HNRNPC: variants seen among roughly 807,000 people sequenced by gnomAD.
The protein encoded by HNRNPC is heterogeneous nuclear ribonucleoprotein C, also known as heterogeneous nuclear ribonucleoproteins C1/C2.
In HNRNPC, 3 loss-of-function variants were observed where a neutral mutation model predicts 33.2. The observed-to-expected ratio is 0.09, with a 90% CI of 0.04 to 0.23. HNRNPC has a LOEUF of 0.23. Ranked by LOEUF, HNRNPC falls within the 10% of genes least tolerant of loss-of-function variation. The pLI is 1.00. For missense variants in HNRNPC, 143 were observed against 366.7 expected (o/e 0.39, Z 4.98); for synonymous variants, 121 against 126.7 (o/e 0.96, Z 0.30).
chr14:21,211,719 G>A, intron 7 of HNRNPC, 91 bp downstream of exon 7: 1 of 1,420,598 alleles, frequency 7.0e-7, no homozygotes, highest in East Asian at 2.3e-5. Context: ...ATATTACATT[G>A]CTTTATATTC....
intron 4 of HNRNPC, 103 bp downstream of exon 4, chr14:21,230,894 A>G (rs547285396): frequency 2.2e-6 from 3 of 1,349,438 alleles, no homozygotes; most frequent in Admixed American, 3.7e-5. Flanking sequence ...CCACACCCAG[A>G]AAACAGAAAG....
chr14:21,261,945 A>G (rs1201169900), intron 2 of HNRNPC, among the ~76,000 whole-genome samples: 3 of 152,194 alleles, frequency 2.0e-5, no homozygotes, highest in Non-Finnish European at 4.4e-5. Flanking sequence ...AGAACACATT[A>G]GAGTTCCTAA....
chr14:21,241,666 G>A lies in HNRNPC; in HGVS notation c.-36-7437C>T, dbSNP rs372996931. On this transcript the variant is annotated intron_variant, in intron 2 of 8. Transcript: ENST00000553300. Reference sequence around the variant, plus strand: ...ACCATTTTTGTACCCTGCTTCCTATGGATCTTATTGCTTTCAACTACTTCC... The same window carrying A: ...ACCATTTTTGTACCCTGCTTCCTATAGATCTTATTGCTTTCAACTACTTCC... 7.2e-5 allele frequency among the ~76,000 whole-genome samples: 11 copies of A among 152,210 alleles called. No individual in the cohort carries two copies. In the South Asian group the frequency reaches 2.3e-3, roughly 32 times the overall value.
chr14:21,250,202 G>A (rs540492922), intron 2 of HNRNPC, among the ~76,000 whole-genome samples: 60 of 151,474 alleles, frequency 4.0e-4, no homozygotes, highest in African/African-American at 1.3e-3. Context: ...GCAGTGAGCC[G>A]AGATCGCACC....
intron 1 of HNRNPC, among the ~76,000 whole-genome samples, chr14:21,266,055 C>T (rs184201160): frequency 7.9e-5 from 12 of 152,258 alleles, no homozygotes; most frequent in African/African-American, 2.4e-4. Context: ...CGTTTGAGAA[C>T]CACTGTGAAG....
intron 2 of HNRNPC, among the ~76,000 whole-genome samples, chr14:21,259,938 G>A (rs1472345929): frequency 1.3e-5 from 2 of 149,280 alleles, no homozygotes; most frequent in East Asian, 2.0e-4. Flanking sequence ...GGTGGCTCAC[G>A]CCTGTAATCC....
chr14:21,215,382 G>A (rs546296747), intron 5 of HNRNPC, among the ~76,000 whole-genome samples: 52 of 152,184 alleles, frequency 3.4e-4, no homozygotes, highest in East Asian at 5.8e-4. Context: ...AAAATTAAGC[G>A]GAAATTCTCA....
At chr14:21,239,811 T>C (rs1204287994) in intron 2 of HNRNPC, among the ~76,000 whole-genome samples, 4 of 151,092 alleles carry the variant, frequency 2.6e-5, no homozygotes, top group Admixed American at 6.6e-5. Context: ...GAGGTGGAGG[T>C]TGCAGCGAGC....
intron 5 of HNRNPC, among the ~76,000 whole-genome samples, chr14:21,214,879 C>T (rs1891992519): frequency 6.6e-6 from 1 of 152,126 alleles, no homozygotes; most frequent in Admixed American, 6.6e-5. Flanking sequence ...ATAAGTTATC[C>T]ATATCCATGA....
Position 21,213,122 on chromosome 14 carries a change from T to C in HNRNPC, c.366-5A>G, listed in dbSNP as rs1017877175. On this transcript the variant is annotated splice_region_variant and splice_polypyrimidine_tract_variant and intron_variant, in intron 5 of 8. Transcript: ENST00000553300. ...CGTGCTGGGTAACTGTACATCCTAT[T>C]GGATAAGAGGAAAATGGAATTCATT... 8.1e-6 allele frequency: 13 copies of C among 1,612,662 alleles called. No individual in the cohort carries two copies. The highest frequency in any genetic ancestry group is 4.0e-5 in the African/African-American group (3 of 74,894).
chr14:21,226,903 G>A (rs1480318724), intron 5 of HNRNPC, among the ~76,000 whole-genome samples: 3 of 137,066 alleles, frequency 2.2e-5, no homozygotes, highest in Admixed American at 2.2e-4. Context: ...AAAGGGGGGG[G>A]GGGGACAGTG....
chr14:21,257,573 A>T (rs1380088596), intron 2 of HNRNPC, among the ~76,000 whole-genome samples: 1 of 151,886 alleles, frequency 6.6e-6, no homozygotes. Context: ...AAAAAAAAAA[A>T]GATAGCTCAC....
In HNRNPC at chr14:21,238,385, C is replaced by G. The variant is rs188592718; in HGVS notation, c.-36-4156G>C. On this transcript the variant is annotated intron_variant, in intron 2 of 8. Transcript: ENST00000553300. ...TACATAAAAATCATTTAAGAACGGA[C>G]AGTACAGAAACACATCAAAATATCT... Among the ~76,000 whole-genome samples the G allele has an allele frequency of 1.3e-3, 199 of 152,260 alleles. 1 individual carries two copies. The highest frequency in any genetic ancestry group is 1.9e-3 in the East Asian group (10 of 5,180).
At chr14:21,213,763 ATCAT>A (rs1368851565) in intron 5 of HNRNPC, among the ~76,000 whole-genome samples, 1 of 152,248 alleles carries the variant, frequency 6.6e-6, no homozygotes, top group Non-Finnish European at 1.5e-5. Flanking sequence ...AACAGGTAGT[ATCAT>A]TTCTAACTAA....
intron 5 of HNRNPC, among the ~76,000 whole-genome samples, chr14:21,217,554 A>G (rs1235915087): frequency 6.6e-6 from 1 of 152,202 alleles, no homozygotes; most frequent in East Asian, 1.9e-4. Context: ...TTGTTGGGTT[A>G]GCCTTGTCCA....
chr14:21,219,141 GA>G lies in HNRNPC; in HGVS notation c.366-6025del, dbSNP rs112983119. Among the ~76,000 whole-genome samples, 103 of 150,278 alleles carry G rather than the reference GA, an allele frequency of 6.9e-4. 1 individual carries two copies. The highest frequency in any genetic ancestry group is 6.8e-3 in the Middle Eastern group (2 of 294). On this transcript the variant is annotated intron_variant, in intron 5 of 8. Transcript: ENST00000553300. ...AAAAAAAAAGAAGAAAAAGAAAGGG[GA>G]AAAAAAATTACATATTTTTAAAATT...
rs770900032 is a variant in HNRNPC, at chr14:21,234,209, G to A, written c.-16C>T. 3.7e-6 allele frequency: 6 copies of A among 1,611,084 alleles called. No homozygotes were observed. Among genetic ancestry groups the A allele is most frequent in the Non-Finnish European group, 5.1e-6 (6 of 1,178,154 alleles). On this transcript the variant is annotated 5_prime_UTR_variant, in exon 3 of 9. Coordinates refer to ENST00000553300, the MANE Select transcript of HNRNPC (RefSeq NM_004500.4). ...TGCTGGCCATCGTGTTTGATGGTAA[G>A]GTTTCTCACAAAGCCGAAAACTGTA... is the stretch of plus-strand genomic sequence containing the variant.
In HNRNPC at chr14:21,230,554, G is replaced by A. The variant is rs147831627; in HGVS notation, c.318-188C>T. 7.2e-3 allele frequency: 3,884 copies of A among 537,600 alleles called. 19 individuals carry two copies. The highest frequency in any genetic ancestry group is 0.016 in the South Asian group (622 of 38,276). The allele number at this position is 537,600 out of a possible 1,614,324, so 33.3% of individuals were successfully genotyped here. ...CACCTTAGACCACTGGAAATGTAGC[G>A]GTCAAATTGGAAATTCAGGTTAAAA... On this transcript the variant is annotated intron_variant, in intron 4 of 8. Transcript: ENST00000553300.
chr14:21,214,055 C>T (rs564836316), intron 5 of HNRNPC, among the ~76,000 whole-genome samples: 1 of 152,324 alleles, frequency 6.6e-6, no homozygotes, highest in South Asian at 2.1e-4. Flanking sequence ...CAGTTCTAAA[C>T]TTTCTACATT....
Sources: allele counts gnomAD v4.1 joint callset (sites outside exome capture counted in the v4.1 genomes callset), GRCh38; gene constraint gnomAD v4.1.1; transcripts MANE v1.5; gene names NCBI Gene and HGNC (gene_info 2026-07-23, HGNC 2026-07-21).